MYL4: variants seen among roughly 807,000 people sequenced by gnomAD.
MYL4 encodes atrial myosin light chain 1.
MYL4 carries 16 observed loss-of-function variants against 21.6 expected under a neutral mutation model. The ratio of observed to expected loss-of-function variants is 0.74; its 90% CI spans 0.50 to 1.12. The LOEUF (loss-of-function observed/expected upper bound fraction) is 1.12. Among genes scored for constraint, MYL4 ranks in the 50% most tolerant of loss-of-function variants. The pLI is 0.00. For synonymous variants in MYL4, 82 were observed against 95.7 expected (o/e 0.86, Z 0.83); for missense variants, 249 against 252.9 (o/e 0.98, Z 0.11).
chr17:47,192,723 A>G, the MYL4 span, among the ~76,000 whole-genome samples: 1 of 151,738 alleles, frequency 6.6e-6, no homozygotes, highest in Non-Finnish European at 1.5e-5. Flanking sequence ...CTACTCATCC[A>G]CAGCAAAGCC....
At chr17:47,211,270 A>C (rs1204252626) in intron 1 of MYL4, among the ~76,000 whole-genome samples, 3 of 152,184 alleles carry the variant, frequency 2.0e-5, no homozygotes, top group Non-Finnish European at 4.4e-5. Context: ...AAGAGAAGCC[A>C]GATGAGGTGA....
upstream of MYL4, among the ~76,000 whole-genome samples, chr17:47,199,001 G>A (rs937109333): frequency 5.3e-5 from 8 of 150,716 alleles, no homozygotes; most frequent in African/African-American, 1.2e-4. Context: ...TTGGGAGGCC[G>A]AGGCAGGCGG....
intron 2 of MYL4, among the ~76,000 whole-genome samples, chr17:47,215,407 T>G (rs1296457150): frequency 6.6e-6 from 1 of 152,244 alleles, no homozygotes; most frequent in Non-Finnish European, 1.5e-5. Context: ...TCCCTCTGAC[T>G]TTGAAGACAT....
Position 47,221,750 on chromosome 17 carries a change from G to A in MYL4, c.382G>A (p.Glu128Lys), listed in dbSNP as rs1359500441. The A allele has an allele frequency of 1.9e-6, 3 of 1,614,156 alleles. No homozygotes were observed. The highest frequency in any genetic ancestry group is 2.5e-6 in the Non-Finnish European group (3 of 1,180,018). Residue 128 changes from glutamate (E) to lysine (K), a missense_variant, in exon 4 of 7, where the codon GAG (glutamate) becomes AAG (lysine). By Grantham distance (56) the Glu-to-Lys change is moderately conservative. Transcript: ENST00000393450. The stretch of plus-strand genomic sequence containing the variant: ...CCTGCAGCACATTTCCCGCAACAAG[G>A]AGCAGGGCACCTATGAGGACTTCGT... ...PILQHISRNK[E>K]QGTYEDFVEG...
the MYL4 span, chr17:47,189,533 G>A: frequency 5.5e-6 from 2 of 363,752 alleles, no homozygotes; most frequent in East Asian, 1.2e-4. Flanking sequence ...GGCCGTCCCA[G>A]GGTTGGGCTA....
At chr17:47,208,792 ATG>A (rs1433491338), upstream of MYL4, among the ~76,000 whole-genome samples, 1 of 152,074 alleles carries the variant, frequency 6.6e-6, no homozygotes, top group Non-Finnish European at 1.5e-5. Flanking sequence ...AGTTCCTGGG[ATG>A]CCTGCTCTGG....
rs1049743220 is a variant in MYL4, at chr17:47,220,191, G to A, written c.313+138G>A. ...CCTCAGGACCAGCCTCACCTACCCA[G>A]CTTACCCTAGTCCCATTTTGAGAAT... On this transcript the variant is annotated intron_variant, in intron 3 of 6. Transcript: ENST00000393450. The A allele has an allele frequency of 7.6e-6, 8 of 1,048,092 alleles. No homozygotes were observed. In the African/African-American group the frequency reaches 1.1e-4, roughly 15 times the overall value. 64.9% of individuals were successfully genotyped at this position (1,048,092 alleles called of 1,614,324 possible). A position where few individuals can be genotyped will look rare whatever the true frequency, so the allele number is the denominator to read the frequency against.
upstream of MYL4, among the ~76,000 whole-genome samples, chr17:47,196,919 T>C (rs1304749386): frequency 6.6e-6 from 1 of 152,028 alleles, no homozygotes; most frequent in East Asian, 1.9e-4. Flanking sequence ...TTATAATATT[T>C]CGCTCTTGTT....
chr17:47,222,278 A>G, intron 4 of MYL4, 102 bp from the exon 5 acceptor site: 1 of 1,140,572 alleles, frequency 8.8e-7, no homozygotes, highest in East Asian at 2.3e-5. Context: ...TCCCAGATCC[A>G]GGCAGTCTTG....
chr17:47,209,053 T>C (rs373225388), upstream of MYL4: 1 of 349,912 alleles, frequency 2.9e-6, no homozygotes. Flanking sequence ...ACTGCTCAAG[T>C]CAGCTCATCT....
upstream of MYL4, among the ~76,000 whole-genome samples, chr17:47,207,101 A>G (rs1161368793): frequency 1.3e-5 from 2 of 151,898 alleles, no homozygotes; most frequent in Non-Finnish European, 2.9e-5. Context: ...TGAGGGGAGG[A>G]GGTGAGGTGC....
the MYL4 span, among the ~76,000 whole-genome samples, chr17:47,194,132 TC>T: frequency 6.6e-6 from 1 of 152,200 alleles, no homozygotes; most frequent in Non-Finnish European, 1.5e-5. Flanking sequence ...TTTTTAGAGC[TC>T]CAGGCCCAAA....
upstream of MYL4, among the ~76,000 whole-genome samples, chr17:47,195,807 C>G (rs927745803): frequency 6.6e-6 from 1 of 152,214 alleles, no homozygotes; most frequent in Admixed American, 6.5e-5. Flanking sequence ...TACTCTAGTG[C>G]TACCAGACTT....
downstream of MYL4, among the ~76,000 whole-genome samples, chr17:47,224,666 G>A (rs114542535): frequency 0.012 from 1,783 of 152,232 alleles, 30 homozygotes; most frequent in African/African-American, 0.04. Flanking sequence ...CAATGTCCTC[G>A]TGTTCCTTTT....
chr17:47,211,468 C>T (rs1422062102), intron 1 of MYL4, among the ~76,000 whole-genome samples: 2 of 152,174 alleles, frequency 1.3e-5, no homozygotes, highest in East Asian at 1.9e-4. Context: ...AGGACCACGT[C>T]TATTGAGATT....
chr17:47,225,182 G>T (rs1390345647), downstream of MYL4, among the ~76,000 whole-genome samples: 1 of 152,204 alleles, frequency 6.6e-6, no homozygotes, highest in Non-Finnish European at 1.5e-5. Context: ...ATGGGAAGCT[G>T]AGAACCATGA....
chr17:47,209,212 C>T, upstream of MYL4: 1 of 687,980 alleles, frequency 1.5e-6, no homozygotes, highest in East Asian at 2.5e-5. Context: ...AACCTGGTGA[C>T]AATACACAGT....
At chr17:47,213,739 G>A (rs2064792734) in intron 1 of MYL4, 60 bp from the exon 2 acceptor site, 2 of 1,432,392 alleles carry the variant, frequency 1.4e-6, no homozygotes, top group Admixed American at 2.1e-5. Context: ...CTTCCCTTTG[G>A]GGGGCCTTTA....
upstream of MYL4, among the ~76,000 whole-genome samples, chr17:47,197,133 C>A (rs2064692044): frequency 7.1e-6 from 1 of 141,196 alleles, no homozygotes. Flanking sequence ...GAGTCTCGCA[C>A]TGTCGCCCAG....
Sources: gnomAD v4.1 joint callset for allele counts (sites outside exome capture counted in the v4.1 genomes callset) on GRCh38, gnomAD v4.1.1 for gene constraint, MANE v1.5 for transcripts, NCBI Gene and HGNC (gene_info 2026-07-23, HGNC 2026-07-21) for gene names.